USH2A: variants seen among roughly 807,000 people sequenced by gnomAD.
The protein encoded by USH2A is Usher syndrome 2A (autosomal recessive, mild).
Under a neutral mutation model 538.9 loss-of-function variants are expected in USH2A, and 443 were observed. The ratio of observed to expected loss-of-function variants is 0.82; its 90% CI spans 0.76 to 0.89. The LOEUF is 0.89. Among genes scored for constraint, USH2A ranks in the 40% least tolerant of loss-of-function variants. The pLI is 0.00. For synonymous variants in USH2A, 2,413 were observed against 2,273.5 expected (o/e 1.06, Z -1.75); for missense variants, 6,633 against 6,324.8 (o/e 1.05, Z -1.65).
chr1:216,061,357 T>A (rs1292673578), intron 30 of USH2A, among the ~76,000 whole-genome samples: 1 of 152,236 alleles, frequency 6.6e-6, no homozygotes. Flanking sequence ...TTTTGTCATC[T>A]TATGATATTC....
intron 30 of USH2A, among the ~76,000 whole-genome samples, chr1:216,068,919 T>C (rs2031468827): frequency 6.6e-6 from 1 of 152,130 alleles, no homozygotes; most frequent in Non-Finnish European, 1.5e-5. Flanking sequence ...ATAAAATAAA[T>C]TGTTTTTTCT....
chr1:216,077,127 C>T (rs568277739), intron 27 of USH2A, among the ~76,000 whole-genome samples: 1 of 152,130 alleles, frequency 6.6e-6, no homozygotes. Flanking sequence ...GCCTAACACA[C>T]TTGTTATGAA....
Position 216,422,231 on chromosome 1 carries a change from G to A in USH2A, c.106C>T (p.Leu36Phe). 2 of 1,612,832 alleles carry A rather than the reference G, an allele frequency of 1.2e-6. No homozygotes were observed. The highest frequency in any genetic ancestry group is 1.7e-6 in the Non-Finnish European group (2 of 1,179,278). ...ASISLTESRG[L>F]FPRLENVGAF... The stretch of plus-strand genomic sequence containing the variant: ...CCCACGTTCTCCAGCCTTGGGAAAA[G>A]ACCTCGTGACTCAGTCAAGGATATT... The change falls in exon 2 of 72, where the codon CTT becomes TTT. Residue 36 changes from leucine to phenylalanine, a missense_variant. Coordinates refer to ENST00000307340, the MANE Select transcript of USH2A (RefSeq NM_206933.4).
chr1:215,802,462 A>G (rs768834563), intron 49 of USH2A, among the ~76,000 whole-genome samples: 2 of 152,012 alleles, frequency 1.3e-5, no homozygotes, highest in Non-Finnish European at 2.9e-5. Context: ...TAACTTTAAT[A>G]GACACTTTTT....
chr1:216,103,985 C>G (rs12123638), intron 21 of USH2A, among the ~76,000 whole-genome samples: 1 of 151,928 alleles, frequency 6.6e-6, no homozygotes. Flanking sequence ...TGGAAAACTG[C>G]TTGGCATTCT....
chr1:216,047,095 A>G (rs1016389683), intron 31 of USH2A, among the ~76,000 whole-genome samples: 2 of 152,220 alleles, frequency 1.3e-5, no homozygotes, highest in Non-Finnish European at 2.9e-5. Context: ...TGTATTTTAT[A>G]TAGTTGTCAA....
chr1:216,267,415 T>C (rs1327420266), intron 11 of USH2A, among the ~76,000 whole-genome samples: 1 of 151,148 alleles, frequency 6.6e-6, no homozygotes, highest in Non-Finnish European at 1.5e-5. Flanking sequence ...TTTTAAGGAG[T>C]TTTGCCAAAA....
Position 216,246,882 on chromosome 1 carries a change from G to T in USH2A, c.2512C>A (p.Gln838Lys), listed in dbSNP as rs1449075820. ...GGCAGACAGAGGAAAGAATTATTTTGCCGTAGGTAGAAGTTTCCCTCCAAA... is the reference window on the plus strand; with the variant it reads ...GGCAGACAGAGGAAAGAATTATTTTTCCGTAGGTAGAAGTTTCCCTCCAAA... ...KCLEGNFYLR[Q>K]NNSFLCLPCN... Residue 838 changes from glutamine to lysine, a missense_variant, in exon 13 of 72, where the codon CAA (glutamine) becomes AAA (lysine). Gln to Lys is a moderately conservative substitution (Grantham distance 53). Transcript: ENST00000307340. 6.2e-7 allele frequency: 1 copy of T among 1,614,092 alleles called. No homozygotes were observed. Among genetic ancestry groups the T allele is most frequent in the Admixed American group, 1.7e-5 (1 of 60,010 alleles).
At chr1:216,056,168 ATTTTTATTCTAATT>A (rs1351934867) in intron 30 of USH2A, among the ~76,000 whole-genome samples, 10 of 152,102 alleles carry the variant, frequency 6.6e-5, no homozygotes, top group African/African-American at 2.4e-4. Context: ...AGTCTTTGCC[ATTTTTATTCTAATT>A]TGCCAATAAG....
chr1:215,782,355 C>T (rs916931174), intron 53 of USH2A, among the ~76,000 whole-genome samples, 159 bp from the exon 54 acceptor site: 1 of 151,544 alleles, frequency 6.6e-6, no homozygotes, highest in Non-Finnish European at 1.5e-5. Flanking sequence ...CCTAATTATA[C>T]TATTATGGAG....
chr1:216,413,659 A>G (rs2039529605), intron 3 of USH2A, among the ~76,000 whole-genome samples: 1 of 152,042 alleles, frequency 6.6e-6, no homozygotes, highest in Admixed American at 6.6e-5. Context: ...ATCATATTAG[A>G]ACTGCTCTTT....
chr1:216,110,071 C>T (rs2032830375), intron 21 of USH2A, among the ~76,000 whole-genome samples: 1 of 152,108 alleles, frequency 6.6e-6, no homozygotes, highest in Non-Finnish European at 1.5e-5. Flanking sequence ...GACATTTTCT[C>T]TTTCTAGCTT....
intron 21 of USH2A, among the ~76,000 whole-genome samples, chr1:216,105,050 C>A (rs1445175215): frequency 2.0e-5 from 3 of 152,088 alleles, no homozygotes; most frequent in Admixed American, 6.6e-5. Flanking sequence ...CCAACAGACA[C>A]ATGAAAAAAT....
Position 215,993,112 on chromosome 1 carries a change from T to G in USH2A, c.6713A>C (p.Glu2238Ala), listed in dbSNP as rs41277212. The change falls in exon 35 of 72, where the codon GAG becomes GCG. Residue 2238 changes from glutamate (E) to alanine (A), a missense_variant. Physicochemically the swap from Glu to Ala is moderately radical, Grantham distance 107. Coordinates refer to ENST00000307340, the MANE Select transcript of USH2A (RefSeq NM_206933.4). ...GGCTGGCACGCCTTCGGGTATGTCC[T>G]CGTCAGTTAGGGCCTCACTGGCCTC... ...VSEASEALTDEDIPEGVPAPK... is the reference protein window; with the variant it reads ...VSEASEALTDADIPEGVPAPK... The G allele has an allele frequency of 0.026, 42,234 of 1,614,086 alleles. 654 individuals carry two copies. The highest frequency in any genetic ancestry group is 0.03 in the Non-Finnish European group (35,149 of 1,179,976).
intron 55 of USH2A, among the ~76,000 whole-genome samples, chr1:215,769,511 C>G (rs1661220721): frequency 6.6e-6 from 1 of 152,178 alleles, no homozygotes; most frequent in Non-Finnish European, 1.5e-5. Context: ...ATTTTACTTA[C>G]AGCCTAGAAT....
intron 60 of USH2A, among the ~76,000 whole-genome samples, chr1:215,732,302 C>T (rs1660019444): frequency 6.6e-6 from 1 of 152,062 alleles, no homozygotes. Context: ...TTAAGACAGT[C>T]CTTTTAAAAA....
At chr1:215,864,926 G>A (rs953587579) in intron 44 of USH2A, among the ~76,000 whole-genome samples, 3 of 152,090 alleles carry the variant, frequency 2.0e-5, no homozygotes, top group African/African-American at 7.2e-5. Flanking sequence ...GGTCATAATA[G>A]ACAAAGACCA....
intron 61 of USH2A, among the ~76,000 whole-genome samples, chr1:215,685,504 C>T (rs1472413821): frequency 6.6e-6 from 1 of 151,726 alleles, no homozygotes; most frequent in African/African-American, 2.4e-5. Flanking sequence ...ATTACAGGCA[C>T]CCGCCACCAC....
intron 20 of USH2A, among the ~76,000 whole-genome samples, chr1:216,182,423 A>T (rs557532100): frequency 6.6e-6 from 1 of 152,216 alleles, no homozygotes; most frequent in East Asian, 1.9e-4. Flanking sequence ...CAAAAAGGCC[A>T]GTAGAGCCCC....
Sources: allele counts gnomAD v4.1 joint callset (sites outside exome capture counted in the v4.1 genomes callset), GRCh38; gene constraint gnomAD v4.1.1; transcripts MANE v1.5; gene names NCBI Gene and HGNC (gene_info 2026-07-23, HGNC 2026-07-21).